Variants in BTRC observed in about 807,000 individuals in gnomAD.
The protein encoded by BTRC is F-box/WD repeat-containing protein 1A.
A neutral mutation model predicts 85.5 loss-of-function variants in BTRC; 42 were observed. The ratio of observed to expected loss-of-function variants is 0.49; its 90% CI spans 0.38 to 0.64. The LOEUF is 0.64. Ranked by LOEUF, BTRC falls within the 30% of genes least tolerant of loss-of-function variation. The pLI is 0.00. For synonymous variants in BTRC, 255 were observed against 263.3 expected (o/e 0.97, Z 0.30); for missense variants, 594 against 743.5 (o/e 0.80, Z 2.34).
At chr10:101,551,377 A>C (rs774434326) in intron 14 of BTRC, among the ~76,000 whole-genome samples, 44 of 152,256 alleles carry the variant, frequency 2.9e-4, no homozygotes, top group Admixed American at 2.0e-4. Flanking sequence ...GGAATATAAA[A>C]AGTAGCTTTT....
At chr10:101,410,188 C>G (rs1214736538) in intron 1 of BTRC, among the ~76,000 whole-genome samples, 1 of 152,126 alleles carries the variant, frequency 6.6e-6, no homozygotes, top group African/African-American at 2.4e-5. Flanking sequence ...TCCTGGTATG[C>G]TTCTCTCCTA....
intron 1 of BTRC, among the ~76,000 whole-genome samples, chr10:101,379,179 T>C (rs1942867118): frequency 6.6e-6 from 1 of 152,222 alleles, no homozygotes; most frequent in Admixed American, 6.5e-5. Flanking sequence ...CTTCCACTTA[T>C]ATCAGAGTTT....
intron 1 of BTRC, among the ~76,000 whole-genome samples, chr10:101,397,730 G>A (rs898135074): frequency 6.6e-6 from 1 of 151,886 alleles, no homozygotes; most frequent in African/African-American, 2.4e-5. Flanking sequence ...TTCATACCCT[G>A]TTACTGTATC....
intron 1 of BTRC, among the ~76,000 whole-genome samples, chr10:101,405,269 TGA>T (rs1943592579): frequency 6.6e-6 from 1 of 151,702 alleles, no homozygotes. Context: ...AAAAAAGCAA[TGA>T]GGTTTTGTCT....
chr10:101,541,481 C>A (rs1157775728), intron 13 of BTRC, among the ~76,000 whole-genome samples: 1 of 152,042 alleles, frequency 6.6e-6, no homozygotes, highest in Non-Finnish European at 1.5e-5. Context: ...AGGATGGTCT[C>A]GATCTCCTGA....
intron 4 of BTRC, among the ~76,000 whole-genome samples, chr10:101,510,323 ATGG>A (rs1946668810): frequency 6.6e-6 from 1 of 151,994 alleles, no homozygotes; most frequent in Non-Finnish European, 1.5e-5. Flanking sequence ...CCTGGCTAAC[ATGG>A]TGAAACCCCG....
At chr10:101,543,160 G>A (rs2062496720) in intron 13 of BTRC, among the ~76,000 whole-genome samples, 1 of 152,194 alleles carries the variant, frequency 6.6e-6, no homozygotes, top group Non-Finnish European at 1.5e-5. Context: ...TTACAGGCGT[G>A]AGCCACCGCA....
At chr10:101,402,587 A>G (rs1436100719) in intron 1 of BTRC, among the ~76,000 whole-genome samples, 1 of 152,198 alleles carries the variant, frequency 6.6e-6, no homozygotes, top group South Asian at 2.1e-4. Context: ...AAAATTCTAT[A>G]TTAGAAGTAT....
intron 2 of BTRC, among the ~76,000 whole-genome samples, chr10:101,458,319 T>G (rs1358360387): frequency 6.6e-6 from 1 of 152,144 alleles, no homozygotes; most frequent in Non-Finnish European, 1.5e-5. Context: ...TGGCACAAAT[T>G]ATTGAGCCAA....
At chr10:101,539,968 A>G (rs1054929792) in intron 13 of BTRC, among the ~76,000 whole-genome samples, 1 of 152,122 alleles carries the variant, frequency 6.6e-6, no homozygotes. Flanking sequence ...ATCTTTTCCC[A>G]TTTTTTAATT....
chr10:101,475,054 A>C (rs938277569), intron 3 of BTRC, among the ~76,000 whole-genome samples: 1 of 152,198 alleles, frequency 6.6e-6, no homozygotes, highest in Non-Finnish European at 1.5e-5. Context: ...TGTGTGTATG[A>C]ATAGTAAATG....
intron 1 of BTRC, among the ~76,000 whole-genome samples, chr10:101,390,708 A>G (rs1284350314): frequency 6.6e-6 from 1 of 152,134 alleles, no homozygotes; most frequent in Admixed American, 6.5e-5. Flanking sequence ...TACAAAATAA[A>G]AAAAAAGCAG....
chr10:101,367,348 G>C (rs989444821), intron 1 of BTRC, among the ~76,000 whole-genome samples: 4 of 151,728 alleles, frequency 2.6e-5, no homozygotes, highest in Admixed American at 2.0e-4. Flanking sequence ...GATTACAGGC[G>C]TGAGCCACTC....
intron 1 of BTRC, among the ~76,000 whole-genome samples, chr10:101,417,710 G>A (rs1188723028): frequency 6.6e-6 from 1 of 151,956 alleles, no homozygotes; most frequent in East Asian, 1.9e-4. Flanking sequence ...TTAGAGATAG[G>A]GTCTTGTTCT....
chr10:101,378,731 G>T (rs536901959), intron 1 of BTRC, among the ~76,000 whole-genome samples: 42 of 152,006 alleles, frequency 2.8e-4, no homozygotes, highest in African/African-American at 9.6e-4. Context: ...CACCATGTTG[G>T]CCAGGCTGGT....
At chr10:101,373,281 G>A (rs564436325) in intron 1 of BTRC, among the ~76,000 whole-genome samples, 1 of 152,302 alleles carries the variant, frequency 6.6e-6, no homozygotes, top group African/African-American at 2.4e-5. Context: ...GTGCTTTAGA[G>A]TGGATTAGAC....
chr10:101,444,371 A>C (rs1335097604), intron 2 of BTRC, among the ~76,000 whole-genome samples: 4 of 152,184 alleles, frequency 2.6e-5, no homozygotes, highest in Non-Finnish European at 5.9e-5. Context: ...TGAGGCTATA[A>C]CTGAGAAAGA....
chr10:101,425,255 T>C (rs1944219980), intron 1 of BTRC, among the ~76,000 whole-genome samples: 1 of 152,110 alleles, frequency 6.6e-6, no homozygotes, highest in African/African-American at 2.4e-5. Flanking sequence ...AGCATTTCAA[T>C]TTTTTTTCTG....
In BTRC at chr10:101,541,984, G is replaced by T. The variant is rs189935061; in HGVS notation, c.1656+3613G>T. ...TCCCTCATCTATTTTCTAAGAGTTT[G>T]CATATGTGATATTATGCTTCTTTAA... On this transcript the variant is annotated intron_variant, in intron 13 of 14. Transcript: ENST00000370187. Among the ~76,000 whole-genome samples the T allele has an allele frequency of 2.1e-3, 315 of 152,234 alleles. 3 individuals are homozygous for T. The highest frequency in any genetic ancestry group is 7.1e-3 in the African/African-American group (294 of 41,542).
Sources: gnomAD v4.1 joint callset for allele counts (sites outside exome capture counted in the v4.1 genomes callset) on GRCh38, gnomAD v4.1.1 for gene constraint, MANE v1.5 for transcripts, NCBI Gene and HGNC (gene_info 2026-07-23, HGNC 2026-07-21) for gene names.